Variants in TTN observed in about 807,000 individuals in gnomAD.
The protein encoded by TTN is connectin.
A neutral mutation model predicts 3,223.0 loss-of-function variants in TTN; 1,525 were observed. The ratio of observed to expected loss-of-function variants is 0.47; its 90% CI spans 0.45 to 0.49. TTN has a LOEUF of 0.49. Among genes scored for constraint, TTN ranks in the 20% least tolerant of loss-of-function variants. The pLI is 0.00. For missense variants in TTN, 40,786 were observed against 43,424.0 expected (o/e 0.94, Z 5.40); for synonymous variants, 14,094 against 15,161.0 (o/e 0.93, Z 5.17).
Position 178,554,759 on chromosome 2 carries a change from G to C in TTN, c.88595-7C>G. The C allele has an allele frequency of 6.2e-7, 1 of 1,613,120 alleles. No homozygotes were observed. Among genetic ancestry groups the C allele is most frequent in the Non-Finnish European group, 8.5e-7 (1 of 1,179,688 alleles). On this transcript the variant is annotated splice_polypyrimidine_tract_variant and splice_region_variant and intron_variant, in intron 331 of 362. Transcript: ENST00000589042. Reference sequence around the variant, plus strand: ...CCAGGTGGGCCTGGTTTGTCTATCAGTGAAAGGACAAAACACGATGTTAGT... The same window carrying C: ...CCAGGTGGGCCTGGTTTGTCTATCACTGAAAGGACAAAACACGATGTTAGT...
Position 178,650,202 on chromosome 2 carries a change from A to G in TTN, c.39779T>C (p.Val13260Ala), listed in dbSNP as rs2062707345. Residue 13260 changes from valine (V) to alanine (A), a missense_variant, in exon 210 of 363, where the codon GTT becomes GCT. Transcript: ENST00000589042. Reference protein sequence around the residue: ...IAPEEEKPVPVAEEEEPEVPP... With the variant: ...IAPEEEKPVPAAEEEEPEVPP... ...AACCTCTGGTTCCTCCTCTTCTGCA[A>G]CAGGAACTGGCTTTTCCTCTTCAGG... 3 of 1,597,036 alleles carry G rather than the reference A, an allele frequency of 1.9e-6. No homozygotes were observed. The highest frequency in any genetic ancestry group is 1.7e-6 in the Non-Finnish European group (2 of 1,170,742).
chr2:178,541,315 G>C lies in TTN; in HGVS notation c.97762C>G (p.Pro32588Ala). ...TCCATGGCAACGATGGGTTTGGAAG[G>C]ACGACTTGGTTTCCCAGACCCTCTT... ...NARGSGKPSR[P>A]SKPIVAMDPI... Residue 32588 changes from proline (P) to alanine (A), a missense_variant, in exon 350 of 363, where the codon CCT becomes GCT. Pro to Ala is a conservative substitution (Grantham distance 27). Transcript: ENST00000589042. 6.5e-7 allele frequency: 1 copy of C among 1,544,844 alleles called. No individual in the cohort carries two copies. The highest frequency in any genetic ancestry group is 8.8e-7 in the Non-Finnish European group (1 of 1,139,846).
Position 178,581,760 on chromosome 2 carries a change from G to C in TTN, c.66508C>G (p.Arg22170Gly). The C allele has an allele frequency of 6.2e-7, 1 of 1,605,624 alleles. No homozygotes were observed. The highest frequency in any genetic ancestry group is 2.3e-5 in the East Asian group (1 of 44,270). ...CCCCAAGATAGACTCACAGAGCTGCGAGTTGTATCATATACTTTAGGGAAA... is the reference window on the plus strand; with the variant it reads ...CCCCAAGATAGACTCACAGAGCTGCCAGTTGTATCATATACTTTAGGGAAA... ...PAFPKVYDTT[R>G]SSVSLSWGKP... Residue 22170 changes from arginine (R) to glycine (G), a missense_variant, in exon 316 of 363, where the codon CGC becomes GGC. Arg to Gly is a moderately radical substitution (Grantham distance 125). Coordinates refer to ENST00000589042, the MANE Select transcript of TTN (RefSeq NM_001267550.2).
Position 178,733,076 on chromosome 2 carries a change from T to G in TTN, c.16100A>C (p.Asp5367Ala), listed in dbSNP as rs751854907. The G allele has an allele frequency of 1.2e-6, 2 of 1,608,562 alleles. No individual in the cohort carries two copies. Among genetic ancestry groups the G allele is most frequent in the Admixed American group, 1.7e-5 (1 of 59,616 alleles). The change falls in exon 55 of 363, where the codon GAT becomes GCT. Residue 5367 changes from aspartate to alanine, a missense_variant. Transcript: ENST00000589042. ...PFFTKPLRNV[D>A]SVVNGTCRLD... The stretch of plus-strand genomic sequence containing the variant: ...TCTGCAGGTACCATTAACAACACTA[T>G]CCACGTTGCGCAAGGGTTTGGTAAA...
At position 178,614,922 on chromosome 2, in the gene TTN, C is replaced by G; in HGVS notation, c.48685G>C (p.Val16229Leu). 1 of 1,592,668 alleles carries G rather than the reference C, an allele frequency of 6.3e-7. No individual in the cohort carries two copies. Among genetic ancestry groups the G allele is most frequent in the South Asian group, 1.1e-5 (1 of 87,902 alleles). The change falls in exon 260 of 363, where the codon GTG becomes CTG. Residue 16229 changes from valine to leucine, a missense_variant. Physicochemically the swap from Val to Leu is conservative, Grantham distance 32. Transcript: ENST00000589042. ...LEEGKWYAYRVKALNRQGASK... is the reference protein window; with the variant it reads ...LEEGKWYAYRLKALNRQGASK... ...GCACCCTGCCTGTTTAAGGCCTTCA[C>G]GCGGTAGGCATACCATTTGCCTTCC...
chr2:178,628,949 G>A (rs1025943963), intron 240 of TTN, among the ~76,000 whole-genome samples: 2 of 152,098 alleles, frequency 1.3e-5, no homozygotes, highest in African/African-American at 4.8e-5. Flanking sequence ...AAAACTTAAT[G>A]TGCACCATGG....
Position 178,560,592 on chromosome 2 carries a change from T to G in TTN, c.85540A>C (p.Lys28514Gln), listed in dbSNP as rs1401382571. The stretch of plus-strand genomic sequence containing the variant: ...ATATATTCATTGCCTTTGAGTAACT[T>G]GGTTACTTTACAGGATGTCATCTGT... The part of the protein sequence containing the change: ...ELQMTSCKVT[K>Q]LLKGNEYIFR... Residue 28514 changes from lysine (K) to glutamine (Q), a missense_variant, in exon 326 of 363, where the codon AAG becomes CAG. Transcript: ENST00000589042. 1 of 1,613,364 alleles carries G rather than the reference T, an allele frequency of 6.2e-7. No homozygotes were observed. Among genetic ancestry groups the G allele is most frequent in the East Asian group, 2.2e-5 (1 of 44,756 alleles).
At position 178,595,487 on chromosome 2, in the gene TTN, A is replaced by ATTT; in HGVS notation, c.57847+17_57847+19dup. ...TGAGTAAAGAAGTGATTAAGTATAC[A>ATTT]TTTTTTTTTTTTTACTTACTTATTG... On this transcript the variant is annotated intron_variant, in intron 295 of 362. Transcript: ENST00000589042. 2 of 1,241,322 alleles carry ATTT rather than the reference A, an allele frequency of 1.6e-6. No homozygotes were observed. The highest frequency in any genetic ancestry group is 2.2e-6 in the Non-Finnish European group (2 of 895,390). 76.9% of individuals were successfully genotyped at this position (1,241,322 alleles called of 1,614,324 possible). A position where few individuals can be genotyped will look rare whatever the true frequency, so the allele number is the denominator to read the frequency against.
chr2:178,724,690 G>C, intron 71 of TTN, 152 bp from the exon 72 acceptor site: 1 of 667,446 alleles, frequency 1.5e-6, no homozygotes, highest in Non-Finnish European at 2.1e-6. Context: ...ATTACATGCA[G>C]TCATAGAATT....
At position 178,576,983 on chromosome 2, in the gene TTN, T is replaced by G; in HGVS notation, c.69352A>C (p.Asn23118His). ...ACAGGTTCTCCTTTGCCATAGTGGTTTACAGCTGAGACCCGGAAGATGTAC... is the reference window on the plus strand; with the variant it reads ...ACAGGTTCTCCTTTGCCATAGTGGTGTACAGCTGAGACCCGGAAGATGTAC... Reference protein sequence around the residue: ...NEYIFRVSAVNHYGKGEPVQS... With the variant: ...NEYIFRVSAVHHYGKGEPVQS... Residue 23118 changes from asparagine to histidine, a missense_variant, in exon 324 of 363, where the codon AAC (asparagine) becomes CAC (histidine). By Grantham distance (68) the Asn-to-His change is moderately conservative. Coordinates refer to ENST00000589042, the MANE Select transcript of TTN (RefSeq NM_001267550.2). This position sits in a 1 kb window ranked among gnomAD's most constrained non-coding sequence, Gnocchi z 4.3. The G allele has an allele frequency of 6.2e-7, 1 of 1,613,540 alleles. No homozygotes were observed. Among genetic ancestry groups the G allele is most frequent in the Non-Finnish European group, 8.5e-7 (1 of 1,179,588 alleles).
rs1316484786 is a variant in TTN, at chr2:178,756,879, G to A, written c.10679-82C>T. On this transcript the variant is annotated intron_variant, in intron 45 of 362. Transcript: ENST00000589042. Reference sequence around the variant, plus strand: ...TTGCCCATGTTAGTAACACAAAATGGCATGGAAGATGAAGATGAAAGACGT... The same window carrying A: ...TTGCCCATGTTAGTAACACAAAATGACATGGAAGATGAAGATGAAAGACGT... The A allele has an allele frequency of 4.7e-6, 6 of 1,271,252 alleles. No individual in the cohort carries two copies. In the African/African-American group the frequency reaches 6.0e-5, roughly 13 times the overall value. 78.7% of individuals were successfully genotyped at this position (1,271,252 alleles called of 1,614,324 possible). A position where few individuals can be genotyped will look rare whatever the true frequency, so the allele number is the denominator to read the frequency against.
chr2:178,563,322 C>T lies in TTN; in HGVS notation c.82810G>A (p.Gly27604Ser), dbSNP rs199929362. ...PIYDGGAPVKGYVVEVKEAAA... is the reference protein window; with the variant it reads ...PIYDGGAPVKSYVVEVKEAAA... The stretch of plus-strand genomic sequence containing the variant: ...GCTTCTTTGACCTCTACAACATAGC[C>T]TTTAACAGGTGCGCCACCATCATAA... Residue 27604 changes from glycine to serine, a missense_variant, in exon 326 of 363, where the codon GGC (glycine) becomes AGC (serine). Physicochemically the swap from Gly to Ser is moderately conservative, Grantham distance 56. Coordinates refer to ENST00000589042, the MANE Select transcript of TTN (RefSeq NM_001267550.2). This position sits in a 1 kb window ranked among gnomAD's most constrained non-coding sequence, Gnocchi z 4.5. The T allele has an allele frequency of 2.5e-4, 399 of 1,613,500 alleles. 1 individual carries two copies. Among genetic ancestry groups the T allele is most frequent in the East Asian group, 6.7e-5 (3 of 44,778 alleles).
rs532313981 is a variant in TTN at position 178,777,755 on chromosome 2, C to G, written c.4429G>C (p.Asp1477His). 7 of 1,614,002 alleles carry G rather than the reference C, an allele frequency of 4.3e-6. No homozygotes were observed. In the South Asian group the frequency reaches 7.7e-5, roughly 18 times the overall value. Residue 1477 changes from aspartate to histidine, a missense_variant, in exon 25 of 363, where the codon GAC (aspartate) becomes CAC (histidine). Transcript: ENST00000589042. Reference sequence around the variant, plus strand: ...ATAGGTCTACCAACAACCTTTAAGTCAAATCTGGCAGTTTGCCCTTCTAAA... The same window carrying G: ...ATAGGTCTACCAACAACCTTTAAGTGAAATCTGGCAGTTTGCCCTTCTAAA... Reference protein sequence around the residue: ...KCLEGQTARFDLKVVGRPMPE... With the variant: ...KCLEGQTARFHLKVVGRPMPE...
intron 8 of TTN, 146 bp downstream of exon 8, chr2:178,794,253 T>C: frequency 8.1e-7 from 1 of 1,227,072 alleles, no homozygotes; most frequent in Admixed American, 1.7e-5. Context: ...CTCAGAAAGT[T>C]CTAAAAGTCT....
chr2:178,762,312 T>A (rs2089420907), intron 43 of TTN, among the ~76,000 whole-genome samples: 1 of 152,244 alleles, frequency 6.6e-6, no homozygotes. Context: ...CCACTATATG[T>A]GTACAGATAT....
chr2:178,618,049 T>C lies in TTN; in HGVS notation c.47302A>G (p.Thr15768Ala). The change falls in exon 253 of 363, where the codon ACT becomes GCT. Residue 15768 changes from threonine (T) to alanine (A), a missense_variant. Transcript: ENST00000589042. ...VPGPPLNVTI[T>A]DVNRFGVSLT... Reference sequence around the variant, plus strand: ...GAGACACCAAATCGATTCACATCAGTGATGGTTACATTCAAAGGAGGGCCT... The same window carrying C: ...GAGACACCAAATCGATTCACATCAGCGATGGTTACATTCAAAGGAGGGCCT... The C allele has an allele frequency of 6.2e-7, 1 of 1,612,384 alleles. No individual in the cohort carries two copies. Among genetic ancestry groups the C allele is most frequent in the Non-Finnish European group, 8.5e-7 (1 of 1,179,082 alleles).
chr2:178,786,480 A>G (rs980426297), intron 13 of TTN, among the ~76,000 whole-genome samples: 4 of 152,204 alleles, frequency 2.6e-5, no homozygotes, highest in Admixed American at 2.6e-4. Flanking sequence ...TTGGAAAATC[A>G]GAATTTTGGA....
chr2:178,717,347 C>T lies in TTN; in HGVS notation c.25387G>A (p.Val8463Ile), dbSNP rs767424522. The change falls in exon 88 of 363, where the codon GTA (valine) becomes ATA (isoleucine). Residue 8463 changes from valine to isoleucine, a missense_variant. Physicochemically the swap from Val to Ile is conservative, Grantham distance 29 (BLOSUM62 3). Transcript: ENST00000589042. ...TCTCCAAGAGCAAGATCTACTGATA[C>T]AGGCTTTAGATCAAAGAAAGGAGGC... Reference protein sequence around the residue: ...EVPPFFDLKPVSVDLALGESG... With the variant: ...EVPPFFDLKPISVDLALGESG... 1 of 1,612,984 alleles carries T rather than the reference C, an allele frequency of 6.2e-7. No homozygotes were observed. The highest frequency in any genetic ancestry group is 1.1e-5 in the South Asian group (1 of 91,016).
intron 228 of TTN, 33 bp downstream of exon 228, chr2:178,635,132 A>C: frequency 6.2e-7 from 1 of 1,606,790 alleles, no homozygotes; most frequent in Non-Finnish European, 8.5e-7. Flanking sequence ...GTTATTTTAT[A>C]TGACTAACAA....
Sources: allele counts gnomAD v4.1 joint callset (sites outside exome capture counted in the v4.1 genomes callset), GRCh38; gene constraint gnomAD v4.1.1; non-coding constraint Gnocchi (gnomAD v3.1); transcripts MANE v1.5; gene names NCBI Gene and HGNC (gene_info 2026-07-23, HGNC 2026-07-21).